NHLRC2: variants seen among roughly 807,000 people sequenced by gnomAD.
NHLRC2 encodes the protein NHL repeat-containing protein 2.
Under a neutral mutation model 68.1 loss-of-function variants are expected in NHLRC2, and 33 were observed. The observed-to-expected ratio is 0.48, with a 90% CI of 0.37 to 0.65. The LOEUF is 0.65. NHLRC2 is among the 30% of genes least tolerant of loss of function. The pLI, the probability that NHLRC2 is intolerant of heterozygous loss-of-function variation, is 0.00. For missense variants in NHLRC2, 761 were observed against 853.8 expected (o/e 0.89, Z 1.35); for synonymous variants, 311 against 309.6 (o/e 1.00, Z -0.05).
intron 6 of NHLRC2, among the ~76,000 whole-genome samples, chr10:113,899,866 C>G (rs1846212928): frequency 6.6e-6 from 1 of 151,958 alleles, no homozygotes; most frequent in South Asian, 2.1e-4. Flanking sequence ...TTGCAGTGAG[C>G]TGAGATTGTG....
chr10:113,903,536 G>T lies in NHLRC2; in HGVS notation c.1504G>T (p.Val502Leu). Residue 502 changes from valine to leucine, a missense_variant, in exon 9 of 11, where the codon GTG becomes TTG. Transcript: ENST00000369301. ...GTTCTTTCTTTTTTAGATTAAAGTTGTGGATCCAAAAACAAAAAACTGTAC... is the reference window on the plus strand; with the variant it reads ...GTTCTTTCTTTTTTAGATTAAAGTTTTGGATCCAAAAACAAAAAACTGTAC... ...ADSYNHKIKVVDPKTKNCTTL... is the reference protein window; with the variant it reads ...ADSYNHKIKVLDPKTKNCTTL... 1 of 1,595,112 alleles carries T rather than the reference G, an allele frequency of 6.3e-7. No homozygotes were observed. Among genetic ancestry groups the T allele is most frequent in the South Asian group, 1.1e-5 (1 of 88,670 alleles).
In NHLRC2 at chr10:113,903,604, C is replaced by T. The variant is rs148151604; in HGVS notation, c.1572C>T (p.Ser524=). The T allele has an allele frequency of 1.9e-6, 3 of 1,611,942 alleles. No individual in the cohort carries two copies. In the African/African-American group the frequency reaches 4.0e-5, roughly 22 times the overall value. Residue 524 remains serine (S), a synonymous_variant, in exon 9 of 11, where the codon TCC becomes TCT. Transcript: ENST00000369301. ...GAGACACAAATAATGTTACCAGTTC[C>T]AGTTTTACAGAGTCAACTTTTAATG... is the stretch of plus-strand genomic sequence containing the variant. ...GTGDTNNVTS[S]SFTESTFNEP...
chr10:113,857,793 T>C (rs1198792450), intron 1 of NHLRC2, among the ~76,000 whole-genome samples: 1 of 152,150 alleles, frequency 6.6e-6, no homozygotes, highest in East Asian at 1.9e-4. Context: ...CAATAATAAG[T>C]GTATTTTGCT....
rs200030657 is a variant in NHLRC2 at position 113,901,936 on chromosome 10, G to C, written c.1371+39G>C. 42 of 1,343,280 alleles carry C rather than the reference G, an allele frequency of 3.1e-5. No homozygotes were observed. The Admixed American group carries it at 7.7e-4, about 24-fold the overall frequency. The allele number at this position is 1,343,280 out of a possible 1,614,324, so 83.2% of individuals were successfully genotyped here. ...CTCTTGCACAGTGCGCTCGGACACT[G>C]AGCAAGCTGTCAATTTTGTGAATTA... On this transcript the variant is annotated intron_variant, in intron 7 of 10. Transcript: ENST00000369301.
chr10:113,857,433 A>G (rs1362451340), intron 1 of NHLRC2, among the ~76,000 whole-genome samples: 1 of 152,150 alleles, frequency 6.6e-6, no homozygotes, highest in Non-Finnish European at 1.5e-5. Flanking sequence ...ATTGGCCCAA[A>G]TACTAGTTTG....
In NHLRC2 at chr10:113,854,953, C is replaced by G; in HGVS notation, c.81C>G (p.Asp27Glu). Reference sequence around the variant, plus strand: ...CCTCGCTAGAGTACGCCCTGCTCGACGCCGTTACCCAGCAGGAGAAGGACA... The same window carrying G: ...CCTCGCTAGAGTACGCCCTGCTCGAGGCCGTTACCCAGCAGGAGAAGGACA... ...AQTSLEYALL[D>E]AVTQQEKDSL... Residue 27 changes from aspartate (D) to glutamate (E), a missense_variant, in exon 1 of 11, where the codon GAC becomes GAG. By Grantham distance (45) the Asp-to-Glu change is conservative (BLOSUM62 2). Transcript: ENST00000369301. 6.4e-7 allele frequency: 1 copy of G among 1,554,584 alleles called. No homozygotes were observed. The highest frequency in any genetic ancestry group is 1.4e-5 in the African/African-American group (1 of 73,344).
Position 113,854,877 on chromosome 10 carries a change from C to T in NHLRC2, c.5C>T (p.Ala2Val). ...CATCGGGAGCCCGGCGGAAACATGG[C>T]GGCGCCCGGAGGCCGGGGCCGCAGC... M[A>V]APGGRGRSLS... The change falls in exon 1 of 11, where the codon GCG (alanine) becomes GTG (valine). Residue 2 changes from alanine (A) to valine (V), a missense_variant. Physicochemically the swap from Ala to Val is moderately conservative, Grantham distance 64 (BLOSUM62 0). Transcript: ENST00000369301. The T allele has an allele frequency of 3.2e-6, 5 of 1,540,404 alleles. No homozygotes were observed. The highest frequency in any genetic ancestry group is 4.4e-6 in the Non-Finnish European group (5 of 1,143,168).
chr10:113,856,550 G>T (rs1454535985), intron 1 of NHLRC2, among the ~76,000 whole-genome samples: 1 of 152,166 alleles, frequency 6.6e-6, no homozygotes, highest in African/African-American at 2.4e-5. Flanking sequence ...GGTGCAGAAG[G>T]TAGTTATATA....
At position 113,896,108 on chromosome 10, in the gene NHLRC2, C is replaced by T. The variant is rs560534648; in HGVS notation, c.1040-2002C>T. 3.2e-4 allele frequency among the ~76,000 whole-genome samples: 49 copies of T among 152,108 alleles called. No individual in the cohort carries two copies. The South Asian group carries it at 7.3e-3, about 23-fold the overall frequency. ...TCAACCATTGTGGAAGTCAGTGTGG[C>T]GATTCCTCAGGGATCTAGAACTAGA... On this transcript the variant is annotated intron_variant, in intron 5 of 10. Coordinates refer to ENST00000369301, the MANE Select transcript of NHLRC2 (RefSeq NM_198514.4).
intron 1 of NHLRC2, among the ~76,000 whole-genome samples, chr10:113,855,999 G>A (rs1257723974): frequency 6.6e-6 from 1 of 152,146 alleles, no homozygotes; most frequent in East Asian, 1.9e-4. Flanking sequence ...ACAGGCCCTG[G>A]ATTTGCTGGT....
intron 5 of NHLRC2, 57 bp downstream of exon 5, chr10:113,884,437 A>G (rs1045201732): frequency 6.9e-7 from 1 of 1,453,382 alleles, no homozygotes; most frequent in Non-Finnish European, 9.5e-7. Flanking sequence ...GTAAGATTTA[A>G]AAATATTCTT....
intron 2 of NHLRC2, among the ~76,000 whole-genome samples, chr10:113,860,610 A>T (rs1302293924): frequency 6.6e-6 from 1 of 152,220 alleles, no homozygotes; most frequent in Non-Finnish European, 1.5e-5. Flanking sequence ...ATACATATCT[A>T]TGAGACAAAG....
At chr10:113,868,666 C>T (rs1845892882) in intron 2 of NHLRC2, among the ~76,000 whole-genome samples, 1 of 151,958 alleles carries the variant, frequency 6.6e-6, no homozygotes, top group African/African-American at 2.4e-5. Flanking sequence ...GCATTATAGT[C>T]TAACAAAAGA....
intron 5 of NHLRC2, among the ~76,000 whole-genome samples, chr10:113,892,806 T>C (rs552987362): frequency 6.6e-6 from 1 of 152,302 alleles, no homozygotes; most frequent in South Asian, 2.1e-4. Flanking sequence ...GTTGTGTGAC[T>C]TTGGACAAGT....
In NHLRC2 at chr10:113,913,292, G is replaced by A. The variant is rs1846346466; in HGVS notation, c.*4756G>A. 6.6e-6 allele frequency: 1 copy of A among 152,100 alleles called. No individual in the cohort carries two copies. The highest frequency in any genetic ancestry group is 1.5e-5 in the Non-Finnish European group (1 of 68,010). The allele number at this position is 152,100 out of a possible 1,614,324, so 9.4% of individuals were successfully genotyped here. A position where few individuals can be genotyped will look rare whatever the true frequency, so the allele number is the denominator to read the frequency against. Reference sequence around the variant, plus strand: ...TCTTTCATAACTTTATATATTTATAGTAACTTAATCCAAAGAACCCCAAAA... The same window carrying A: ...TCTTTCATAACTTTATATATTTATAATAACTTAATCCAAAGAACCCCAAAA... On this transcript the variant is annotated 3_prime_UTR_variant, in exon 11 of 11. Transcript: ENST00000369301.
At chr10:113,905,855 A>G (rs1054460210) in intron 10 of NHLRC2, among the ~76,000 whole-genome samples, 10 of 152,186 alleles carry the variant, frequency 6.6e-5, no homozygotes, top group African/African-American at 2.4e-4. Flanking sequence ...GGATAACGGT[A>G]TCTTGGTAGA....
At chr10:113,889,271 C>T (rs549748160) in intron 5 of NHLRC2, among the ~76,000 whole-genome samples, 58 of 152,238 alleles carry the variant, frequency 3.8e-4, no homozygotes, top group African/African-American at 1.1e-3. Flanking sequence ...CATTCTTCTA[C>T]AACCTTTAAT....
At chr10:113,902,305 T>G (rs1846236017) in intron 7 of NHLRC2, among the ~76,000 whole-genome samples, 166 bp from the exon 8 acceptor site, 1 of 152,178 alleles carries the variant, frequency 6.6e-6, no homozygotes, top group Non-Finnish European at 1.5e-5. Context: ...ACTGTCATTT[T>G]TTTTCTAATC....
chr10:113,876,219 A>T (rs1401758928), intron 2 of NHLRC2, among the ~76,000 whole-genome samples: 2 of 151,948 alleles, frequency 1.3e-5, no homozygotes, highest in African/African-American at 2.4e-5. Flanking sequence ...AACATTTATT[A>T]AAAAAATAAA....
Sources: allele counts gnomAD v4.1 joint callset (sites outside exome capture counted in the v4.1 genomes callset), GRCh38; gene constraint gnomAD v4.1.1; transcripts MANE v1.5; gene names NCBI Gene and HGNC (gene_info 2026-07-23, HGNC 2026-07-21).